SREBF1: variants seen among roughly 807,000 people sequenced by gnomAD.
SREBF1 encodes sterol regulatory element-binding protein 1.
SREBF1 carries 45 observed loss-of-function variants against 100.1 expected under a neutral mutation model. That is an observed-to-expected ratio of 0.45 (90% confidence interval 0.35 to 0.58). The LOEUF is 0.58. Ranked by LOEUF, SREBF1 falls within the 20% of genes least tolerant of loss-of-function variation. The pLI, the probability that SREBF1 is intolerant of heterozygous loss-of-function variation, is 0.00. For missense variants in SREBF1, 1,324 were observed against 1,539.4 expected (o/e 0.86, Z 2.34); for synonymous variants, 657 against 681.8 (o/e 0.96, Z 0.57).
intron 1 of SREBF1, among the ~76,000 whole-genome samples, chr17:17,833,371 A>G (rs1157565707): frequency 7.0e-6 from 1 of 142,282 alleles, no homozygotes; most frequent in Non-Finnish European, 1.5e-5. Context: ...CAGTGAGCCA[A>G]GATCGCACCA....
At chr17:17,819,785 T>C in intron 2 of SREBF1, 60 bp from the exon 3 acceptor site, 1 of 1,509,574 alleles carries the variant, frequency 6.6e-7, no homozygotes, top group Admixed American at 2.0e-5. Context: ...TTCAACCTGC[T>C]CTTCAGGTCT....
At position 17,836,728 on chromosome 17, in the gene SREBF1, T is replaced by A. The variant is rs1348153529; in HGVS notation, c.90A>T (p.Glu30Asp). 2 of 1,568,310 alleles carry A rather than the reference T, an allele frequency of 1.3e-6. No homozygotes were observed. Among genetic ancestry groups the A allele is most frequent in the Non-Finnish European group, 1.7e-6 (2 of 1,164,734 alleles). ...CAAGCCCTGCCCGCCCTGACGCACC[T>A]TCGATGTCGGTCAGCAGCGCCGCGT... ...DLDAALLTDI[E>D]DMLQLINNQD... The change falls in exon 1 of 19, where the codon GAA becomes GAT. Residue 30 changes from glutamate (E) to aspartate (D), a missense_variant and splice_region_variant. Glu to Asp is a conservative substitution (Grantham distance 45, BLOSUM62 2). Coordinates refer to ENST00000261646, the MANE Select transcript of SREBF1 (RefSeq NM_004176.5).
Position 17,813,682 on chromosome 17 carries a change from C to T in SREBF1, c.2989G>A (p.Ala997Thr). The T allele has an allele frequency of 6.5e-7, 1 of 1,545,014 alleles. No individual in the cohort carries two copies. The highest frequency in any genetic ancestry group is 8.7e-7 in the Non-Finnish European group (1 of 1,151,908). The part of the protein sequence containing the change: ...QQQPPAPAPA[A>T]QGTSSRPQAS... The stretch of plus-strand genomic sequence containing the variant: ...TGGGGCCTGCTGCTGGTGCCCTGGG[C>T]TGCTGGGGCCGGGGCCGGGGGCTGC... The change falls in exon 17 of 19, where the codon GCC (alanine) becomes ACC (threonine). Residue 997 changes from alanine to threonine, a missense_variant. Coordinates refer to ENST00000261646, the MANE Select transcript of SREBF1 (RefSeq NM_004176.5).
At chr17:17,834,664 A>G (rs1457955292) in intron 1 of SREBF1, among the ~76,000 whole-genome samples, 3 of 152,188 alleles carry the variant, frequency 2.0e-5, no homozygotes, top group African/African-American at 4.8e-5. Flanking sequence ...GTTTTTATCC[A>G]TGAGTCAGTA....
chr17:17,835,946 T>A (rs2035195640), intron 1 of SREBF1, among the ~76,000 whole-genome samples: 1 of 152,242 alleles, frequency 6.6e-6, no homozygotes, highest in Admixed American at 6.5e-5. Context: ...TGCCGTGGCC[T>A]GGAAAACATC....
At position 17,819,611 on chromosome 17, in the gene SREBF1, AGCT is replaced by A; in HGVS notation, c.635_637del (p.Gln212del). The A allele has an allele frequency of 6.2e-7, 1 of 1,613,658 alleles. No individual in the cohort carries two copies. The highest frequency in any genetic ancestry group is 1.1e-5 in the South Asian group (1 of 91,068). On this transcript the variant is annotated inframe_deletion, in exon 3 of 19. Coordinates refer to ENST00000261646, the MANE Select transcript of SREBF1 (RefSeq NM_004176.5). The stretch of plus-strand genomic sequence containing the variant: ...CGTGGGGGCAGCTGTGACTGTCAGT[AGCT>A]GCTGGGGGACCACACTCTGGACCTG...
In SREBF1 at chr17:17,814,834, C is replaced by G; in HGVS notation, c.2602+1G>C. On this transcript the variant is annotated splice_donor_variant, in intron 14 of 18. Transcript: ENST00000261646. LOFTEE classifies it high-confidence loss of function. ...AGCCAGGACAGGGGCCGGGGACTCA[C>G]CGGTGGTGGTGGCCATGCTGGAACT... 1.3e-6 allele frequency: 2 copies of G among 1,598,004 alleles called. No homozygotes were observed. The highest frequency in any genetic ancestry group is 1.7e-4 in the Middle Eastern group (1 of 6,044).
At position 17,819,569 on chromosome 17, in the gene SREBF1, G is replaced by T. The variant is rs766119144; in HGVS notation, c.680C>A (p.Thr227Asn). The T allele has an allele frequency of 4.3e-6, 7 of 1,613,806 alleles. No homozygotes were observed. Among genetic ancestry groups the T allele is most frequent in the Non-Finnish European group, 8.5e-7 (1 of 1,180,016 alleles). The stretch of plus-strand genomic sequence containing the variant: ...CTGCTGGATCTGCGAGGTCACAGTG[G>T]TCGTTACAGGGGCTGCCGTGGGGGC... The part of the protein sequence containing the change: ...TAAPTAAPVT[T>N]TVTSQIQQVP... Residue 227 changes from threonine (T) to asparagine (N), a missense_variant, in exon 3 of 19, where the codon ACC becomes AAC. By Grantham distance (65) the Thr-to-Asn change is moderately conservative. Transcript: ENST00000261646.
rs1195077497 is a variant in SREBF1 at position 17,817,430 on chromosome 17, G to A, written c.1432C>T (p.His478Tyr). 6.3e-7 allele frequency: 1 copy of A among 1,591,520 alleles called. No individual in the cohort carries two copies. Among genetic ancestry groups the A allele is most frequent in the African/African-American group, 1.3e-5 (1 of 74,624 alleles). ...KAKPEQRPSL[H>Y]SRGMLDRSRL... ...GAGCGGTCCAGCATGCCCCGGCTGT[G>A]CAGAGACGGCCGCTGCTCTGGCTTT... Residue 478 changes from histidine (H) to tyrosine (Y), a missense_variant, in exon 8 of 19, where the codon CAC becomes TAC. By Grantham distance (83) the His-to-Tyr change is moderately conservative. Coordinates refer to ENST00000261646, the MANE Select transcript of SREBF1 (RefSeq NM_004176.5). The surrounding 1 kb of genome is among the most constrained non-coding windows in gnomAD (Gnocchi z 6.6).
Position 17,811,658 on chromosome 17 carries a change from G to A in SREBF1, c.*964C>T, listed in dbSNP as rs2032860792. On this transcript the variant is annotated 3_prime_UTR_variant, in exon 19 of 19. Transcript: ENST00000261646. ...GGGAGGGAGGAGGCTTCTTTGCTGT[G>A]AGATGACCAGGGGCCGGGATGGGGG... 1 of 450,896 alleles carries A rather than the reference G, an allele frequency of 2.2e-6. No individual in the cohort carries two copies. The highest frequency in any genetic ancestry group is 1.6e-5 in the South Asian group (1 of 64,006). 27.9% of individuals were successfully genotyped at this position (450,896 alleles called of 1,614,324 possible).
rs2033865236 is a variant in SREBF1, at chr17:17,818,957, T to C, written c.1068+56A>G. ...TCCCTCTCTTCCTTCCAGTTGCCCC[T>C]GATCTGTTCCTTCCTAGGGACACCC... On this transcript the variant is annotated intron_variant, in intron 5 of 18. Transcript: ENST00000261646. 15 of 1,584,664 alleles carry C rather than the reference T, an allele frequency of 9.5e-6. 1 individual carries two copies. In the South Asian group the frequency reaches 1.5e-4, roughly 16 times the overall value.
chr17:17,823,707 A>C (rs1428650023), intron 1 of SREBF1: 1 of 578,774 alleles, frequency 1.7e-6, no homozygotes, highest in African/African-American at 3.3e-5. Context: ...CCCCGCCTGC[A>C]GGTCCCGCCC....
rs778181026 is a variant in SREBF1 at position 17,817,608 on chromosome 17, A to G, written c.1404+88T>C. 2.6e-6 allele frequency: 4 copies of G among 1,565,914 alleles called. No individual in the cohort carries two copies. Among genetic ancestry groups the G allele is most frequent in the East Asian group, 2.3e-5 (1 of 43,832 alleles). On this transcript the variant is annotated intron_variant, in intron 7 of 18. Transcript: ENST00000261646. The surrounding 1 kb of genome is among the most constrained non-coding windows in gnomAD (Gnocchi z 6.6). Reference sequence around the variant, plus strand: ...TTATTCTGTCTATGAAATGGGAGGTAGGATCTGTTAGGGTCTTCCCGGCCC... The same window carrying G: ...TTATTCTGTCTATGAAATGGGAGGTGGGATCTGTTAGGGTCTTCCCGGCCC...
intron 1 of SREBF1, among the ~76,000 whole-genome samples, chr17:17,821,269 C>T (rs897932334): frequency 6.6e-6 from 1 of 152,112 alleles, no homozygotes; most frequent in African/African-American, 2.4e-5. Flanking sequence ...CTCCACAGTC[C>T]ATCACCCCCA....
chr17:17,834,246 C>T (rs1275838321), intron 1 of SREBF1, among the ~76,000 whole-genome samples: 1 of 152,148 alleles, frequency 6.6e-6, no homozygotes, highest in African/African-American at 2.4e-5. Context: ...CACATGTCAC[C>T]CACACCCAGC....
At chr17:17,826,396 C>A (rs1321276329) in intron 1 of SREBF1, among the ~76,000 whole-genome samples, 1 of 151,982 alleles carries the variant, frequency 6.6e-6, no homozygotes, top group African/African-American at 2.4e-5. Context: ...TAGTCCCTGT[C>A]CTGGAAGCTG....
At position 17,816,653 on chromosome 17, in the gene SREBF1, G is replaced by A. The variant is rs759007731; in HGVS notation, c.1851C>T (p.Pro617=). 1.3e-6 allele frequency: 2 copies of A among 1,592,508 alleles called. No individual in the cohort carries two copies. Among genetic ancestry groups the A allele is most frequent in the East Asian group, 2.3e-5 (1 of 43,936 alleles). ...LALRALGRPL[P]TSHLDLACSL... ...TACAAGCCAGGTCCAGGTGGGAGGT[G>A]GGCAGGGGCCGGCCCAGTGCCCGCA... The change falls in exon 10 of 19, where the codon CCC becomes CCT. Residue 617 remains proline (P), a synonymous_variant. Transcript: ENST00000261646.
rs559431273 is a variant in SREBF1, at chr17:17,817,167, C to T, written c.1607-31G>A. The T allele has an allele frequency of 6.0e-5, 96 of 1,612,848 alleles. No individual in the cohort carries two copies. The highest frequency in any genetic ancestry group is 5.0e-4 in the Admixed American group (30 of 60,016). On this transcript the variant is annotated intron_variant, in intron 8 of 18. Coordinates refer to ENST00000261646, the MANE Select transcript of SREBF1 (RefSeq NM_004176.5). The surrounding 1 kb of genome is among the most constrained non-coding windows in gnomAD (Gnocchi z 6.6). ...GACAGAGGGAAAGCTGGGGACACAG[C>T]TCCCAGGAAATCCAGAGCCCCAAGT...
Position 17,813,670 on chromosome 17 carries a change from T to C in SREBF1, c.3001A>G (p.Ser1001Gly), listed in dbSNP as rs1195117929. The C allele has an allele frequency of 6.4e-7, 1 of 1,551,396 alleles. No individual in the cohort carries two copies. The highest frequency in any genetic ancestry group is 1.9e-5 in the Admixed American group (1 of 53,174). ...AGGGCGGAAGCCTGGGGCCTGCTGC[T>C]GGTGCCCTGGGCTGCTGGGGCCGGG... Reference protein sequence around the residue: ...PAPAPAAQGTSSRPQASALEL... With the variant: ...PAPAPAAQGTGSRPQASALEL... The change falls in exon 17 of 19, where the codon AGC becomes GGC. Residue 1001 changes from serine (S) to glycine (G), a missense_variant. Physicochemically the swap from Ser to Gly is moderately conservative, Grantham distance 56 (BLOSUM62 0). Transcript: ENST00000261646.
Sources: gnomAD v4.1 joint callset for allele counts (sites outside exome capture counted in the v4.1 genomes callset) on GRCh38, gnomAD v4.1.1 for gene constraint, Gnocchi (gnomAD v3.1) non-coding constraint, MANE v1.5 for transcripts, NCBI Gene and HGNC (gene_info 2026-07-23, HGNC 2026-07-21) for gene names.